The following ASB15 variants were observed in gnomAD, a reference collection of about 807,000 sequenced individuals.
ASB15 encodes ankyrin repeat and SOCS box protein 15.
ASB15 carries 54 observed loss-of-function variants against 58.0 expected under a neutral mutation model. That is an observed-to-expected ratio of 0.93 (90% CI 0.75 to 1.17). The LOEUF is 1.17. Among genes scored for constraint, ASB15 ranks in the 50% most tolerant of loss-of-function variants. The pLI is 0.00. For missense variants in ASB15, 680 were observed against 707.4 expected (o/e 0.96, Z 0.44); for synonymous variants, 249 against 262.4 (o/e 0.95, Z 0.50).
chr7:123,623,863 C>CAAAAA (rs752637761), intron 7 of ASB15, among the ~76,000 whole-genome samples: 1 of 10,218 alleles, frequency 9.8e-5, no homozygotes, highest in African/African-American at 5.1e-4. Context: ...GACTCTGTCT[C>CAAAAA]AAAAAAAAAA....
chr7:123,609,787 A>G (rs1490085522), intron 3 of ASB15, among the ~76,000 whole-genome samples: 1 of 152,222 alleles, frequency 6.6e-6, no homozygotes, highest in Non-Finnish European at 1.5e-5. Context: ...AGCTGCCTTT[A>G]CAGGAAGGCA....
intron 8 of ASB15, among the ~76,000 whole-genome samples, chr7:123,625,450 C>T (rs973160367): frequency 2.0e-5 from 3 of 152,182 alleles, no homozygotes; most frequent in African/African-American, 7.2e-5. Context: ...ATTGCATCAT[C>T]TCAAATTGTT....
intron 1 of ASB15, among the ~76,000 whole-genome samples, chr7:123,602,463 T>C (rs1463992957): frequency 5.3e-5 from 8 of 152,262 alleles, no homozygotes; most frequent in African/African-American, 1.9e-4. Context: ...TTAAAATTTA[T>C]CTGATATCGT....
chr7:123,584,472 G>A, intron 1 of ASB15, among the ~76,000 whole-genome samples: 1 of 152,036 alleles, frequency 6.6e-6, no homozygotes, highest in South Asian at 2.1e-4. Flanking sequence ...CTCTATGGAA[G>A]TCACACTTAA....
At chr7:123,589,414 G>C (rs1481846332) in intron 1 of ASB15, among the ~76,000 whole-genome samples, 8 of 151,586 alleles carry the variant, frequency 5.3e-5, no homozygotes, top group Admixed American at 5.3e-4. Flanking sequence ...GTGGTGTGCT[G>C]CACCCATCAA....
At chr7:123,600,539 T>C (rs1325603050), upstream of ASB15, among the ~76,000 whole-genome samples, 4 of 152,240 alleles carry the variant, frequency 2.6e-5, no homozygotes, top group African/African-American at 9.6e-5. Context: ...TGTTTCACAA[T>C]GCTGATTGCT....
In ASB15 at chr7:123,636,797, G is replaced by C; in HGVS notation, c.1595-12G>C. The C allele has an allele frequency of 2.5e-6, 4 of 1,588,360 alleles. No homozygotes were observed. Among genetic ancestry groups the C allele is most frequent in the South Asian group, 1.2e-5 (1 of 86,638 alleles). On this transcript the variant is annotated splice_polypyrimidine_tract_variant and intron_variant, in intron 11 of 11. Coordinates refer to ENST00000451215, the MANE Select transcript of ASB15 (RefSeq NM_001290258.2). ...AAAAAATTTTTTTGCTTATTTTCCC[G>C]ATTTCTTTTAGAGAATCCTTGTTCA...
chr7:123,584,394 G>A (rs921732917), intron 1 of ASB15, among the ~76,000 whole-genome samples: 6 of 151,534 alleles, frequency 4.0e-5, no homozygotes, highest in Non-Finnish European at 5.9e-5. Context: ...TGAGGGAGGC[G>A]GCTAGGCATC....
intron 7 of ASB15, among the ~76,000 whole-genome samples, chr7:123,623,969 AAGAAAGAAAGAAAGAAAGAAAGAAAG>A (rs1452453987): frequency 7.3e-6 from 1 of 137,410 alleles, no homozygotes; most frequent in Non-Finnish European, 1.6e-5. Flanking sequence ...GAAAGAAAGA[AAGAAAGAAAGAAAGAAAGAAAGAAAG>A]AGAAAGGAAA....
At position 123,583,071 on chromosome 7, in the gene ASB15, A is replaced by G. The variant is rs1799279615; in HGVS notation, c.-443+15983A>G. Among the ~76,000 whole-genome samples, 3 of 151,914 alleles carry G rather than the reference A, an allele frequency of 2.0e-5. No individual in the cohort carries two copies. The South Asian group carries it at 6.2e-4, about 32-fold the overall frequency. On this transcript the variant is annotated intron_variant, in intron 1 of 13. Coordinates refer to the ASB15 transcript ENST00000451558. ...GGAATTTGGATCTTTAAAATTATAG[A>G]CTGTTCAGATGAGAGAACATAAAAT...
intron 2 of ASB15, among the ~76,000 whole-genome samples, chr7:123,606,607 G>A (rs970521509): frequency 3.3e-5 from 5 of 152,038 alleles, no homozygotes; most frequent in Admixed American, 6.6e-5. Flanking sequence ...ACTGAAATTT[G>A]TACCCCTTGG....
intron 1 of ASB15, among the ~76,000 whole-genome samples, chr7:123,591,677 G>C (rs1799542341): frequency 6.6e-6 from 1 of 152,122 alleles, no homozygotes; most frequent in South Asian, 2.1e-4. Context: ...TATGCTTTTT[G>C]ACGTGTTGCT....
At position 123,627,232 on chromosome 7, in the gene ASB15, C is replaced by G. The variant is rs758077396; in HGVS notation, c.820C>G (p.Arg274Gly). 4 of 1,613,764 alleles carry G rather than the reference C, an allele frequency of 2.5e-6. No homozygotes were observed. In the East Asian group the frequency reaches 6.7e-5, roughly 27 times the overall value. Residue 274 changes from arginine (R) to glycine (G), a missense_variant, in exon 9 of 12, where the codon CGA becomes GGA. Physicochemically the swap from Arg to Gly is moderately radical, Grantham distance 125. Transcript: ENST00000451215. ...TGGAGGAAGCGGAAATGTACCTAAC[C>G]GAGCAGGACATCTTCCTATACACCG... ...EYGGSGNVPN[R>G]AGHLPIHRAA...
intron 1 of ASB15, among the ~76,000 whole-genome samples, chr7:123,580,861 A>G (rs1453007136): frequency 6.6e-6 from 1 of 152,022 alleles, no homozygotes; most frequent in Non-Finnish European, 1.5e-5. Context: ...CAAACCACTA[A>G]AAAAACGCAG....
intron 11 of ASB15, among the ~76,000 whole-genome samples, chr7:123,635,013 G>A (rs1584827357): frequency 6.6e-6 from 1 of 152,288 alleles, no homozygotes; most frequent in Middle Eastern, 3.4e-3. Flanking sequence ...GGGCATTTGG[G>A]TTCTTCAAAG....
intron 7 of ASB15, chr7:123,621,298 G>A (rs1309367344): frequency 6.6e-6 from 1 of 152,210 alleles, no homozygotes; most frequent in Admixed American, 6.5e-5. Flanking sequence ...AAGGTCGAGA[G>A]AGGACTAAAG....
intron 1 of ASB15, among the ~76,000 whole-genome samples, chr7:123,582,230 G>C (rs1040393663): frequency 6.6e-6 from 1 of 151,874 alleles, no homozygotes; most frequent in African/African-American, 2.4e-5. Context: ...AGTATGTGAA[G>C]GTAACGTCCC....
intron 10 of ASB15, 55 bp from the exon 11 acceptor site, chr7:123,629,911 T>G: frequency 8.5e-7 from 1 of 1,179,840 alleles, no homozygotes; most frequent in Non-Finnish European, 1.1e-6. Flanking sequence ...CAATTGAGTG[T>G]TTATGTATAT....
At chr7:123,576,311 ACT>A (rs1015006440) in intron 1 of ASB15, among the ~76,000 whole-genome samples, 3 of 147,142 alleles carry the variant, frequency 2.0e-5, no homozygotes, top group African/African-American at 7.6e-5. Context: ...TGTACTTTTT[ACT>A]CTTTTTTATA....
Sources: allele counts gnomAD v4.1 joint callset (sites outside exome capture counted in the v4.1 genomes callset), GRCh38; gene constraint gnomAD v4.1.1; transcripts MANE v1.5; gene names NCBI Gene and HGNC (gene_info 2026-07-23, HGNC 2026-07-21).